ARIH2: variants seen among roughly 807,000 people sequenced by gnomAD.
ARIH2 encodes the protein ariadne RBR E3 ubiquitin protein ligase 2.
A neutral mutation model predicts 79.8 loss-of-function variants in ARIH2; 12 were observed. The observed-to-expected ratio is 0.15, with a 90% CI of 0.10 to 0.24. The LOEUF is 0.24. ARIH2 is among the 10% of genes least tolerant of loss of function. The pLI is 1.00. For synonymous variants in ARIH2, 224 were observed against 213.9 expected (o/e 1.05, Z -0.41); for missense variants, 301 against 618.3 (o/e 0.49, Z 5.44).
intron 3 of ARIH2, among the ~76,000 whole-genome samples, chr3:48,946,249 C>T (rs2089126689): frequency 2.6e-5 from 4 of 152,036 alleles, no homozygotes; most frequent in South Asian, 4.2e-4. Flanking sequence ...AGGCATAGAA[C>T]TGTGTGACAC....
In ARIH2 at chr3:48,940,907, C is replaced by T. The variant is rs574161238; in HGVS notation, c.255+13094C>T. 3.2e-4 allele frequency among the ~76,000 whole-genome samples: 48 copies of T among 151,168 alleles called. No individual in the cohort carries two copies. The South Asian group carries it at 9.8e-3, about 31-fold the overall frequency. ...TGTGCAGGCTGGGCGCGGTGGCTCA[C>T]ACCTGTAATCCCAGCACTTTGGGAG... On this transcript the variant is annotated intron_variant, in intron 3 of 15. Coordinates refer to ENST00000356401, the MANE Select transcript of ARIH2 (RefSeq NM_006321.4).
chr3:48,959,970 T>G (rs141782523), intron 3 of ARIH2, among the ~76,000 whole-genome samples: 1 of 152,240 alleles, frequency 6.6e-6, no homozygotes, highest in African/African-American at 2.4e-5. Context: ...GCTGCAGTTC[T>G]TATCTGTGGA....
chr3:48,929,344 CTT>C (rs80236685), intron 3 of ARIH2, among the ~76,000 whole-genome samples: 2 of 144,730 alleles, frequency 1.4e-5, no homozygotes, highest in African/African-American at 2.5e-5. Flanking sequence ...TCCTTCCTTC[CTT>C]TTTTTTTTTG....
intron 9 of ARIH2, 44 bp from the exon 10 acceptor site, chr3:48,974,773 A>T: frequency 1.2e-6 from 2 of 1,609,122 alleles, no homozygotes; most frequent in Non-Finnish European, 8.5e-7. Flanking sequence ...CTTAAAACCA[A>T]CCTGGTGGTG....
At chr3:48,933,084 T>A (rs2086588506) in intron 3 of ARIH2, among the ~76,000 whole-genome samples, 1 of 152,194 alleles carries the variant, frequency 6.6e-6, no homozygotes, top group East Asian at 1.9e-4. Flanking sequence ...TTAATAGGAT[T>A]TTTTGTTTTT....
At chr3:48,930,336 A>T (rs2086195136) in intron 3 of ARIH2, among the ~76,000 whole-genome samples, 1 of 152,228 alleles carries the variant, frequency 6.6e-6, no homozygotes, top group East Asian at 1.9e-4. Context: ...TACAAAAATT[A>T]GCTGAGCGTG....
intron 1 of ARIH2, chr3:48,922,537 A>G (rs2084961170): frequency 6.6e-6 from 1 of 151,988 alleles, no homozygotes; most frequent in South Asian, 2.1e-4. Context: ...CCAGCTGAAT[A>G]CTTTCTTTTT....
At chr3:48,955,878 C>T (rs1454780713) in intron 3 of ARIH2, among the ~76,000 whole-genome samples, 1 of 152,164 alleles carries the variant, frequency 6.6e-6, no homozygotes, top group African/African-American at 2.4e-5. Flanking sequence ...CTTGCTGAGA[C>T]TACCTTTTAG....
intron 3 of ARIH2, among the ~76,000 whole-genome samples, chr3:48,931,424 C>T (rs771754979): frequency 3.9e-4 from 60 of 152,030 alleles, no homozygotes; most frequent in Non-Finnish European, 7.4e-4. Context: ...TGACACATGC[C>T]TGTGGTCCCA....
chr3:48,951,134 T>C (rs143836109), intron 3 of ARIH2, among the ~76,000 whole-genome samples: 4,912 of 152,004 alleles, frequency 0.032, 578 homozygotes, highest in East Asian at 0.26. Flanking sequence ...AGCTAATTTT[T>C]TGTACTTTTT....
At chr3:48,976,917 C>T (rs966316788) in intron 11 of ARIH2, among the ~76,000 whole-genome samples, 2 of 148,812 alleles carry the variant, frequency 1.3e-5, no homozygotes, top group Admixed American at 1.3e-4. Context: ...AAAAAAAAAA[C>T]TGGCTGGGCG....
In ARIH2 at chr3:48,982,991, C is replaced by T; in HGVS notation, c.1410+12C>T. ...GCTATGACAGAGGGGTAAGTGCCTA[C>T]TGTCCTCTTGGATTCTATATTGCAG... On this transcript the variant is annotated intron_variant, in intron 15 of 15. Transcript: ENST00000356401. 6.2e-7 allele frequency: 1 copy of T among 1,612,988 alleles called. No homozygotes were observed. Among genetic ancestry groups the T allele is most frequent in the Non-Finnish European group, 8.5e-7 (1 of 1,178,952 alleles).
At chr3:48,957,546 ATAG>A (rs1268713340) in intron 3 of ARIH2, among the ~76,000 whole-genome samples, 1 of 152,152 alleles carries the variant, frequency 6.6e-6, no homozygotes, top group East Asian at 1.9e-4. Context: ...ACTAGGTGGC[ATAG>A]TATCTTTGCT....
At chr3:48,937,215 T>G (rs1435981460) in intron 3 of ARIH2, among the ~76,000 whole-genome samples, 1 of 152,246 alleles carries the variant, frequency 6.6e-6, no homozygotes, top group Non-Finnish European at 1.5e-5. Context: ...GCAGTTTCTT[T>G]TCCTGGTAAG....
At position 48,984,052 on chromosome 3, in the gene ARIH2, G is replaced by GC. The variant is rs1210676315; in HGVS notation, c.*784dup. ...AGAGCCCACAGCAGAATGGGGTTGG[G>GC]CCTGTGGCCCCCCAAACTAGGGGGT... is the stretch of plus-strand genomic sequence containing the variant. On this transcript the variant is annotated 3_prime_UTR_variant, in exon 16 of 16. Transcript: ENST00000356401. The GC allele has an allele frequency of 6.6e-6, 1 of 152,304 alleles. No homozygotes were observed. Among genetic ancestry groups the GC allele is most frequent in the Non-Finnish European group, 1.5e-5 (1 of 68,072 alleles). 9.4% of individuals were successfully genotyped at this position (152,304 alleles called of 1,614,324 possible). A position where few individuals can be genotyped will look rare whatever the true frequency, so the allele number is the denominator to read the frequency against.
chr3:48,939,029 G>A (rs1207373484), intron 3 of ARIH2, among the ~76,000 whole-genome samples: 1 of 151,302 alleles, frequency 6.6e-6, no homozygotes, highest in African/African-American at 2.4e-5. Context: ...GTGCAGTGGC[G>A]TGATCTCAGC....
intron 8 of ARIH2, 34 bp downstream of exon 8, chr3:48,970,738 G>A (rs1208086496): frequency 6.6e-7 from 1 of 1,525,384 alleles, no homozygotes. Context: ...GCAGCCCTGG[G>A]CTCATGCCCC....
intron 3 of ARIH2, among the ~76,000 whole-genome samples, chr3:48,928,192 T>C (rs1412286795): frequency 6.6e-6 from 1 of 152,230 alleles, no homozygotes; most frequent in Non-Finnish European, 1.5e-5. Context: ...TGTGAGTGAC[T>C]GATAAATGTC....
Position 48,927,661 on chromosome 3 carries a change from A to G in ARIH2, c.103A>G (p.Ile35Val). The G allele has an allele frequency of 6.2e-7, 1 of 1,614,056 alleles. No individual in the cohort carries two copies. Among genetic ancestry groups the G allele is most frequent in the South Asian group, 1.1e-5 (1 of 91,078 alleles). Residue 35 changes from isoleucine to valine, a missense_variant, in exon 3 of 16, where the codon ATA becomes GTA. By Grantham distance (29) the Ile-to-Val change is conservative. This residue lies in a region of ARIH2 where 223 missense variants were observed against 349.4 expected (regional missense o/e 0.64). Transcript: ENST00000356401. ...AGAAGAAGAAGACGACCCTGGGGAC[A>G]TAGAGGACTATTACGTGGGAGTAGC... Reference protein sequence around the residue: ...EEEEEDDPGDIEDYYVGVASD... With the variant: ...EEEEEDDPGDVEDYYVGVASD...
Sources: allele counts gnomAD v4.1 joint callset (sites outside exome capture counted in the v4.1 genomes callset), GRCh38; gene constraint gnomAD v4.1.1; regional missense constraint gnomAD v4.1.1; transcripts MANE v1.5; gene names NCBI Gene and HGNC (gene_info 2026-07-23, HGNC 2026-07-21).